Variants in PRKG1 observed in about 807,000 individuals in gnomAD.
PRKG1 encodes the protein protein kinase cGMP-dependent 1.
Under a neutral mutation model 88.1 loss-of-function variants are expected in PRKG1, and 35 were observed. That is an observed-to-expected ratio of 0.40 (90% CI 0.30 to 0.53). The LOEUF (loss-of-function observed/expected upper bound fraction) is 0.53. Among genes scored for constraint, PRKG1 ranks in the 20% least tolerant of loss-of-function variants. PRKG1 has a pLI of 0.59. For synonymous variants in PRKG1, 303 were observed against 292.5 expected (o/e 1.04, Z -0.37); for missense variants, 540 against 839.8 (o/e 0.64, Z 4.41).
chr10:52,120,010 A>G (rs1474022982), intron 7 of PRKG1, among the ~76,000 whole-genome samples: 1 of 151,752 alleles, frequency 6.6e-6, no homozygotes, highest in Non-Finnish European at 1.5e-5. Context: ...AGAGACAGAG[A>G]GAGAGAGACA....
At chr10:51,554,961 G>T (rs1036459231) in intron 3 of PRKG1, among the ~76,000 whole-genome samples, 2 of 151,818 alleles carry the variant, frequency 1.3e-5, no homozygotes, top group African/African-American at 4.8e-5. Context: ...AAAGAAAAAA[G>T]ATACAAAGAT....
At chr10:51,112,068 G>A (rs1169628758) in intron 1 of PRKG1, among the ~76,000 whole-genome samples, 1 of 152,134 alleles carries the variant, frequency 6.6e-6, no homozygotes, top group Non-Finnish European at 1.5e-5. Flanking sequence ...AAGTACAGTA[G>A]TATGTGTGTT....
At chr10:51,774,626 CAATT>C (rs1838388967) in intron 3 of PRKG1, among the ~76,000 whole-genome samples, 1 of 151,862 alleles carries the variant, frequency 6.6e-6, no homozygotes, top group Non-Finnish European at 1.5e-5. Flanking sequence ...GAAAGAATAT[CAATT>C]AAATCAGTGG....
At chr10:51,575,919 A>C (rs1165313465) in intron 3 of PRKG1, among the ~76,000 whole-genome samples, 1 of 152,020 alleles carries the variant, frequency 6.6e-6, no homozygotes, top group African/African-American at 2.4e-5. Context: ...TTAAACTTAA[A>C]AGTTTTAAAG....
intron 4 of PRKG1, among the ~76,000 whole-genome samples, chr10:51,869,432 G>C (rs1177784192): frequency 2.0e-5 from 3 of 151,848 alleles, no homozygotes; most frequent in African/African-American, 7.3e-5. Context: ...CTGCTTTGTA[G>C]CTAGAAAACA....
intron 3 of PRKG1, among the ~76,000 whole-genome samples, chr10:51,644,890 C>T (rs114979501): frequency 0.036 from 5,450 of 152,186 alleles, 142 homozygotes; most frequent in South Asian, 0.1. Context: ...TGGGTTCAAG[C>T]GATTCTCCCA....
Position 52,290,536 on chromosome 10 carries a change from C to A in PRKG1, c.1962+246C>A, listed in dbSNP as rs189446419. On this transcript the variant is annotated intron_variant, in intron 17 of 17. Coordinates refer to ENST00000373980, the MANE Select transcript of PRKG1 (RefSeq NM_006258.4). Reference sequence around the variant, plus strand: ...CTATTCATTTGATTCAAGTTTCCCTCATTTATGAACATAAGTTAATTTTTA... The same window carrying A: ...CTATTCATTTGATTCAAGTTTCCCTAATTTATGAACATAAGTTAATTTTTA... 3.0e-3 allele frequency among the ~76,000 whole-genome samples: 461 copies of A among 152,236 alleles called. 1 individual carries two copies. The highest frequency in any genetic ancestry group is 0.011 in the African/African-American group (446 of 41,556).
intron 1 of PRKG1, among the ~76,000 whole-genome samples, chr10:51,017,660 G>A (rs923695988): frequency 5.9e-5 from 9 of 151,908 alleles, no homozygotes. Flanking sequence ...TTTTTTCCTG[G>A]GGCTCTATTA....
intron 2 of PRKG1, among the ~76,000 whole-genome samples, chr10:51,465,687 C>T (rs1017254375): frequency 6.6e-6 from 1 of 152,100 alleles, no homozygotes; most frequent in African/African-American, 2.4e-5. Flanking sequence ...TCCTCAACCC[C>T]CCATAGAGAG....
At chr10:51,441,810 T>C (rs1201329484) in intron 2 of PRKG1, among the ~76,000 whole-genome samples, 1 of 152,026 alleles carries the variant, frequency 6.6e-6, no homozygotes, top group Non-Finnish European at 1.5e-5. Context: ...TCCTGAGTCA[T>C]ATTACACCAC....
At chr10:51,105,921 G>T (rs1844822579) in intron 1 of PRKG1, among the ~76,000 whole-genome samples, 1 of 152,166 alleles carries the variant, frequency 6.6e-6, no homozygotes, top group African/African-American at 2.4e-5. Context: ...ATATGATTTT[G>T]TGTAACAGAC....
intron 2 of PRKG1, among the ~76,000 whole-genome samples, chr10:51,414,583 C>T (rs1207616612): frequency 6.6e-6 from 1 of 152,158 alleles, no homozygotes; most frequent in Admixed American, 6.6e-5. Context: ...ATCTGTTTAG[C>T]AGCTCGTGGT....
intron 1 of PRKG1, among the ~76,000 whole-genome samples, chr10:51,045,602 T>C (rs1589121642): frequency 1.3e-5 from 2 of 152,302 alleles, no homozygotes; most frequent in Non-Finnish European, 1.5e-5. Context: ...GTTGTAAATC[T>C]TACCATTGCA....
chr10:52,020,524 A>G (rs937071996), intron 5 of PRKG1, among the ~76,000 whole-genome samples: 1 of 152,156 alleles, frequency 6.6e-6, no homozygotes, highest in African/African-American at 2.4e-5. Flanking sequence ...AGTTTATTTA[A>G]AAGGCTTTAG....
intron 2 of PRKG1, among the ~76,000 whole-genome samples, chr10:51,253,746 A>G (rs1278494399): frequency 1.3e-5 from 2 of 151,936 alleles, no homozygotes; most frequent in Admixed American, 1.3e-4. Context: ...CAGAACATAG[A>G]AGTGCCCATC....
intron 3 of PRKG1, among the ~76,000 whole-genome samples, chr10:51,687,189 A>C (rs1255859128): frequency 1.3e-5 from 2 of 152,206 alleles, no homozygotes; most frequent in Non-Finnish European, 2.9e-5. Flanking sequence ...ACAAATGTTG[A>C]TTTGGTTAAT....
At chr10:52,176,445 G>A (rs1000022258) in intron 9 of PRKG1, among the ~76,000 whole-genome samples, 1 of 152,152 alleles carries the variant, frequency 6.6e-6, no homozygotes, top group African/African-American at 2.4e-5. Flanking sequence ...CAGTCTGGCA[G>A]TGTGATGCCT....
intron 5 of PRKG1, among the ~76,000 whole-genome samples, chr10:51,996,973 T>TA (rs1844462152): frequency 6.6e-6 from 1 of 152,090 alleles, no homozygotes. Context: ...TTATTTGTGA[T>TA]AAAATGAAGG....
intron 2 of PRKG1, among the ~76,000 whole-genome samples, chr10:51,286,379 A>G (rs945519560): frequency 1.3e-5 from 2 of 152,158 alleles, no homozygotes; most frequent in Admixed American, 6.5e-5. Context: ...CCATCACAAC[A>G]TCCCTGACTA....
Sources: gnomAD v4.1 joint callset for allele counts (sites outside exome capture counted in the v4.1 genomes callset) on GRCh38, gnomAD v4.1.1 for gene constraint, MANE v1.5 for transcripts, NCBI Gene and HGNC (gene_info 2026-07-23, HGNC 2026-07-21) for gene names.